WDR41: variants seen among roughly 807,000 people sequenced by gnomAD.
The protein encoded by WDR41 is WD repeat-containing protein 41.
Under a neutral mutation model 69.3 loss-of-function variants are expected in WDR41, and 63 were observed. That is an observed-to-expected ratio of 0.91 (90% CI 0.74 to 1.12). The LOEUF (loss-of-function observed/expected upper bound fraction) is 1.12, where lower values mean the gene tolerates loss of function less well. Ranked by LOEUF, WDR41 falls within the 50% of genes most tolerant of loss-of-function variation. WDR41 has a pLI of 0.00. For synonymous variants in WDR41, 185 were observed against 192.1 expected (o/e 0.96, Z 0.31); for missense variants, 543 against 534.5 (o/e 1.02, Z -0.16).
intron 1 of WDR41, among the ~76,000 whole-genome samples, chr5:77,528,472 A>C (rs1044387210): frequency 7.2e-5 from 11 of 151,736 alleles, no homozygotes; most frequent in Non-Finnish European, 1.0e-4. Flanking sequence ...AAATAATGTC[A>C]ATCTTACATA....
At chr5:77,435,867 T>C (rs1212562702) in intron 12 of WDR41, among the ~76,000 whole-genome samples, 1 of 152,202 alleles carries the variant, frequency 6.6e-6, no homozygotes, top group Non-Finnish European at 1.5e-5. Context: ...CAGGACTCTG[T>C]TCATGAATTT....
chr5:77,525,699 A>G lies in WDR41; in HGVS notation c.43-36127T>C, dbSNP rs538379093. On this transcript the variant is annotated intron_variant, in intron 1 of 5. Transcript: ENST00000509971. ...CAATCTGAAACCTAGTGTCTTGTATATGTTCCCAATTCCAAGAAACAAAAG... is the reference window on the plus strand; with the variant it reads ...CAATCTGAAACCTAGTGTCTTGTATGTGTTCCCAATTCCAAGAAACAAAAG... Among the ~76,000 whole-genome samples the G allele has an allele frequency of 3.9e-5, 6 of 152,320 alleles. 1 individual carries two copies. The highest frequency in any genetic ancestry group is 2.6e-4 in the Admixed American group (4 of 15,298).
intron 1 of WDR41, among the ~76,000 whole-genome samples, chr5:77,589,554 T>A (rs903129688): frequency 1.3e-5 from 2 of 152,170 alleles, no homozygotes; most frequent in Non-Finnish European, 2.9e-5. Context: ...CTCTCAGAAA[T>A]ATTTTGGAGT....
intron 1 of WDR41, among the ~76,000 whole-genome samples, chr5:77,596,659 C>T (rs1185626753): frequency 6.6e-6 from 1 of 152,104 alleles, no homozygotes; most frequent in South Asian, 2.1e-4. Flanking sequence ...CACCTGCCTT[C>T]TTTTTCTACT....
intron 1 of WDR41, among the ~76,000 whole-genome samples, chr5:77,541,757 T>C (rs1385024308): frequency 6.6e-6 from 1 of 152,184 alleles, no homozygotes; most frequent in Non-Finnish European, 1.5e-5. Flanking sequence ...CCTCCCAAAG[T>C]GTTGGGATTA....
intron 4 of WDR41, 88 bp downstream of exon 4, chr5:77,463,007 C>A (rs1290019873): frequency 3.5e-6 from 5 of 1,427,734 alleles, no homozygotes; most frequent in Non-Finnish European, 3.8e-6. Flanking sequence ...AATATACAGA[C>A]AAGACCCTAT....
chr5:77,590,724 A>G lies in WDR41; in HGVS notation c.42+29755T>C, dbSNP rs140372042. The stretch of plus-strand genomic sequence containing the variant: ...AGGAGTCCTCCCTTGGAACAGGTCT[A>G]TATTTCTCCCTTTCCCCTTGACAGA... On this transcript the variant is annotated intron_variant, in intron 1 of 5. Transcript: ENST00000509971. Among the ~76,000 whole-genome samples, 572 of 152,272 alleles carry G rather than the reference A, an allele frequency of 3.8e-3. 5 individuals are homozygous for G. The highest frequency in any genetic ancestry group is 0.01 in the Middle Eastern group (3 of 294).
chr5:77,594,282 G>A (rs796176293), intron 1 of WDR41, among the ~76,000 whole-genome samples: 1 of 117,524 alleles, frequency 8.5e-6, no homozygotes, highest in Non-Finnish European at 1.7e-5. Flanking sequence ...GGGGGAGGGG[G>A]GAGGGATAGC....
chr5:77,489,650 A>C (rs1406597431), intron 1 of WDR41, 78 bp from the exon 2 acceptor site: 3 of 854,088 alleles, frequency 3.5e-6, no homozygotes, highest in East Asian at 4.9e-5. Flanking sequence ...CCATATTGGA[A>C]TATAACTCCA....
chr5:77,454,010 T>C lies in WDR41; in HGVS notation c.412-82A>G, dbSNP rs541704198. 1.8e-3 allele frequency: 1,884 copies of C among 1,049,940 alleles called. 3 individuals carry two copies. Among genetic ancestry groups the C allele is most frequent in the Non-Finnish European group, 2.5e-3 (1,686 of 684,260 alleles). 65.0% of individuals were successfully genotyped at this position (1,049,940 alleles called of 1,614,324 possible). A position where few individuals can be genotyped will look rare whatever the true frequency, so the allele number is the denominator to read the frequency against. On this transcript the variant is annotated intron_variant, in intron 5 of 12. Transcript: ENST00000296679. Reference sequence around the variant, plus strand: ...GTGGTTTAAAAATATATCCACAAGTTCTTTAACCCCTTCCTTCACTAGGTG... The same window carrying C: ...GTGGTTTAAAAATATATCCACAAGTCCTTTAACCCCTTCCTTCACTAGGTG...
chr5:77,489,169 T>A (rs942358968), intron 2 of WDR41, among the ~76,000 whole-genome samples: 2 of 152,130 alleles, frequency 1.3e-5, no homozygotes, highest in African/African-American at 4.8e-5. Context: ...CTACCCAAAT[T>A]TTAAAGTCAT....
chr5:77,567,193 T>C (rs1561226471), intron 1 of WDR41, among the ~76,000 whole-genome samples: 2 of 152,196 alleles, frequency 1.3e-5, no homozygotes, highest in Non-Finnish European at 2.9e-5. Context: ...TGGAATAGCA[T>C]GAATAATTGA....
At chr5:77,552,341 G>C (rs1174218593) in intron 1 of WDR41, among the ~76,000 whole-genome samples, 1 of 152,118 alleles carries the variant, frequency 6.6e-6, no homozygotes, top group African/African-American at 2.4e-5. Context: ...ACATGTGCAA[G>C]ATCTATATGC....
chr5:77,577,878 G>A (rs188852945), intron 1 of WDR41, among the ~76,000 whole-genome samples: 53 of 152,252 alleles, frequency 3.5e-4, no homozygotes, highest in African/African-American at 1.3e-3. Context: ...TCATAGCTTA[G>A]CCTAGCCTAA....
intron 12 of WDR41, 111 bp from the exon 13 acceptor site, chr5:77,433,398 C>G (rs532866846): frequency 6.2e-5 from 54 of 872,376 alleles, no homozygotes; most frequent in Non-Finnish European, 8.1e-5. Flanking sequence ...TCCTTTGGAT[C>G]TGGGTGTAGA....
chr5:77,591,652 C>T (rs1233392889), intron 1 of WDR41, among the ~76,000 whole-genome samples: 3 of 152,034 alleles, frequency 2.0e-5, no homozygotes, highest in East Asian at 1.9e-4. Flanking sequence ...TCTTCTTTTA[C>T]CCTTAAGTTA....
intron 1 of WDR41, among the ~76,000 whole-genome samples, chr5:77,558,888 T>A (rs889768372): frequency 1.1e-3 from 11 of 9,856 alleles, no homozygotes; most frequent in African/African-American, 2.3e-3. Flanking sequence ...GAAAAAATAT[T>A]TTTTTTCTGT....
chr5:77,489,358 A>G (rs1474700735), intron 2 of WDR41, 99 bp downstream of exon 2: 2 of 641,140 alleles, frequency 3.1e-6, no homozygotes, highest in African/African-American at 3.8e-5. Flanking sequence ...CAGTTTTTAA[A>G]TTTTTAGAAA....
chr5:77,598,751 C>A (rs1290595695), intron 1 of WDR41, among the ~76,000 whole-genome samples: 1 of 149,410 alleles, frequency 6.7e-6, no homozygotes, highest in Non-Finnish European at 1.5e-5. Flanking sequence ...ATAGGCTCAA[C>A]CTAGATTTGC....
Sources: gnomAD v4.1 joint callset for allele counts (sites outside exome capture counted in the v4.1 genomes callset) on GRCh38, gnomAD v4.1.1 for gene constraint, MANE v1.5 for transcripts, NCBI Gene and HGNC (gene_info 2026-07-23, HGNC 2026-07-21) for gene names.